Variants in ANKRD11 observed in about 807,000 individuals in gnomAD.
ANKRD11 encodes ankyrin repeat domain 11, also known as ankyrin repeat domain-containing protein 11.
In ANKRD11, 17 loss-of-function variants were observed where a neutral mutation model predicts 195.7. The ratio of observed to expected loss-of-function variants is 0.09; its 90% CI spans 0.06 to 0.13. The LOEUF (loss-of-function observed/expected upper bound fraction) is 0.13, where lower values mean the gene tolerates loss of function less well. Ranked by LOEUF, ANKRD11 falls within the 10% of genes least tolerant of loss-of-function variation. The probability of loss-of-function intolerance (pLI) is 1.00; values close to 1 mark genes in which losing one functional copy is unlikely to be tolerated. For missense variants in ANKRD11, 3,735 were observed against 3,566.1 expected (o/e 1.05, Z -1.21); for synonymous variants, 1,953 against 1,528.1 (o/e 1.28, Z -6.49).
chr16:89,349,861 AACACACAC>A (rs34592614), intron 2 of ANKRD11, among the ~76,000 whole-genome samples: 5,186 of 133,162 alleles, frequency 0.039, 123 homozygotes, highest in East Asian at 0.11. Context: ...TACTTGTTAA[AACACACAC>A]ACACACACAC....
At position 89,309,677 on chromosome 16, in the gene ANKRD11, G is replaced by A. The variant is rs180918843; in HGVS notation, c.88-4333C>T. On this transcript the variant is annotated intron_variant, in intron 3 of 12. Coordinates refer to ENST00000301030, the MANE Select transcript of ANKRD11 (RefSeq NM_013275.6). ...TCCCATCCACCTGGGCTCAGAGCCTGCTGGGCAGCTGGGGTGGGACAGGCC... is the reference window on the plus strand; with the variant it reads ...TCCCATCCACCTGGGCTCAGAGCCTACTGGGCAGCTGGGGTGGGACAGGCC... Among the ~76,000 whole-genome samples, 10 of 152,350 alleles carry A rather than the reference G, an allele frequency of 6.6e-5. No homozygotes were observed. In the East Asian group the frequency reaches 1.9e-3, roughly 29 times the overall value.
chr16:89,297,271 C>CTTT (rs1268789030), intron 4 of ANKRD11, among the ~76,000 whole-genome samples: 2 of 152,218 alleles, frequency 1.3e-5, no homozygotes, highest in Non-Finnish European at 2.9e-5. Context: ...TGCGTCCCAC[C>CTTT]GTAAAACTCG....
At chr16:89,446,011 A>T (rs1265487919) in intron 1 of ANKRD11, among the ~76,000 whole-genome samples, 1 of 151,862 alleles carries the variant, frequency 6.6e-6, no homozygotes, top group African/African-American at 2.4e-5. Flanking sequence ...TAAAAAAAAA[A>T]AAAAAAAAAC....
Position 89,283,902 on chromosome 16 carries a change from C to T in ANKRD11, c.2640G>A (p.Thr880=), listed in dbSNP as rs374927096. 1.3e-5 allele frequency: 21 copies of T among 1,614,038 alleles called. No individual in the cohort carries two copies. Among genetic ancestry groups the T allele is most frequent in the African/African-American group, 2.7e-5 (2 of 74,926 alleles). ...TCCTCTCCTTGCTGTCCTCCTTCAC[C>T]GTCTCCAAGATGAGCTTGGCCACAG... is the stretch of plus-strand genomic sequence containing the variant. The part of the protein sequence containing the change: ...SDSVAKLILE[T]VKEDSKERRR... Residue 880 remains threonine, a synonymous_variant, in exon 9 of 13, where the codon ACG becomes ACA. Coordinates refer to ENST00000301030, the MANE Select transcript of ANKRD11 (RefSeq NM_013275.6). This position sits in a 1 kb window ranked among gnomAD's most constrained non-coding sequence, Gnocchi z 4.3.
rs146337633 is a variant in ANKRD11 at position 89,350,904 on chromosome 16, C to A, written c.-59-33826G>T. Among the ~76,000 whole-genome samples the A allele has an allele frequency of 5.1e-3, 772 of 152,264 alleles. 4 individuals are homozygous for A. Among genetic ancestry groups the A allele is most frequent in the African/African-American group, 0.018 (745 of 41,536 alleles). Reference sequence around the variant, plus strand: ...AACACCTACCACTGTGTTACGATTTCTTTCCACGATTCAGCAGGGTGACTC... The same window carrying A: ...AACACCTACCACTGTGTTACGATTTATTTCCACGATTCAGCAGGGTGACTC... On this transcript the variant is annotated intron_variant, in intron 2 of 12. Transcript: ENST00000301030.
At chr16:89,287,068 C>A (rs1381664744) in intron 7 of ANKRD11, 9 of 1,289,670 alleles carry the variant, frequency 7.0e-6, no homozygotes, top group Non-Finnish European at 9.1e-6. Context: ...GGTCAGAGGT[C>A]AAGGTGCTGG....
intron 2 of ANKRD11, chr16:89,396,191 C>T (rs1259796852): frequency 6.6e-6 from 1 of 152,226 alleles, no homozygotes; most frequent in Non-Finnish European, 1.5e-5. Flanking sequence ...TTCTGAAGAA[C>T]TAAAAGTCTC....
rs2041185040 is a variant in ANKRD11, at chr16:89,391,265, G to C, written c.-60+27019C>G. ...AAAAAAAAATGATTGAACCCAAGGA[G>C]GGGTCACGGAACCCCAGATTCAGGG... On this transcript the variant is annotated intron_variant, in intron 2 of 12. Transcript: ENST00000301030. Among the ~76,000 whole-genome samples the C allele has an allele frequency of 3.3e-5, 5 of 152,078 alleles. No homozygotes were observed. In the South Asian group the frequency reaches 1.0e-3, roughly 32 times the overall value.
intron 2 of ANKRD11, among the ~76,000 whole-genome samples, chr16:89,355,539 G>C (rs1486330887): frequency 6.6e-6 from 1 of 152,130 alleles, no homozygotes; most frequent in Non-Finnish European, 1.5e-5. Flanking sequence ...GCTCTGCTCT[G>C]AACGCTCTCT....
Position 89,396,538 on chromosome 16 carries a change from A to AT in ANKRD11, c.-60+21745dup, listed in dbSNP as rs540555214. Among the ~76,000 whole-genome samples, 1,057 of 150,326 alleles carry AT rather than the reference A, an allele frequency of 7.0e-3. 6 individuals are homozygous for AT. The highest frequency in any genetic ancestry group is 0.021 in the African/African-American group (851 of 40,974). ...AAATATGCTTCCATTTTCCCACTAGATTTTTTTTTTGTATACTTCAACTAG... is the reference window on the plus strand; with the variant it reads ...AAATATGCTTCCATTTTCCCACTAGATTTTTTTTTTTGTATACTTCAACTAG... On this transcript the variant is annotated intron_variant, in intron 2 of 12. Coordinates refer to ENST00000301030, the MANE Select transcript of ANKRD11 (RefSeq NM_013275.6).
At chr16:89,353,407 G>A (rs1041474577) in intron 2 of ANKRD11, among the ~76,000 whole-genome samples, 1 of 152,060 alleles carries the variant, frequency 6.6e-6, no homozygotes, top group Non-Finnish European at 1.5e-5. Flanking sequence ...TTCTCCAGAG[G>A]ATCTCAAAAG....
At chr16:89,289,065 G>A in intron 6 of ANKRD11, 1 of 315,886 alleles carries the variant, frequency 3.2e-6, no homozygotes, top group South Asian at 2.8e-5. Flanking sequence ...GGAAACCAAG[G>A]CTGAGAGCCT....
In ANKRD11 at chr16:89,285,399, G is replaced by A; in HGVS notation, c.1143C>T (p.Ile381=). 6.2e-7 allele frequency: 1 copy of A among 1,614,156 alleles called. No individual in the cohort carries two copies. The highest frequency in any genetic ancestry group is 8.5e-7 in the Non-Finnish European group (1 of 1,180,032). Reference sequence around the variant, plus strand: ...TTTTAACCTCCATTTTGGGTATAGAGATAAAACTATTGGATTTCGTTTCTT... The same window carrying A: ...TTTTAACCTCCATTTTGGGTATAGAAATAAAACTATTGGATTTCGTTTCTT... The part of the protein sequence containing the change: ...YRKETKSNSF[I]SIPKMEVKSY... The change falls in exon 9 of 13, where the codon ATC becomes ATT. Residue 381 remains isoleucine, a synonymous_variant. Coordinates refer to ENST00000301030, the MANE Select transcript of ANKRD11 (RefSeq NM_013275.6). The surrounding 1 kb of genome is among the most constrained non-coding windows in gnomAD (Gnocchi z 5.6).
chr16:89,292,460 C>T (rs991282085), intron 4 of ANKRD11, among the ~76,000 whole-genome samples: 11 of 152,200 alleles, frequency 7.2e-5, no homozygotes, highest in African/African-American at 2.2e-4. Flanking sequence ...CCTAAGAGGA[C>T]GCTGCCCACC....
intron 2 of ANKRD11, chr16:89,340,052 T>C (rs937230541): frequency 1.3e-5 from 2 of 152,234 alleles, no homozygotes; most frequent in Non-Finnish European, 2.9e-5. Context: ...TCCATTCTCC[T>C]GTTGACTAAC....
chr16:89,443,126 G>A (rs541688497), intron 1 of ANKRD11, among the ~76,000 whole-genome samples: 14 of 151,908 alleles, frequency 9.2e-5, no homozygotes, highest in South Asian at 2.1e-4. Context: ...CGTGTAGCTC[G>A]GATTACAGGC....
At chr16:89,354,269 C>A (rs558408498) in intron 2 of ANKRD11, among the ~76,000 whole-genome samples, 1 of 147,236 alleles carries the variant, frequency 6.8e-6, no homozygotes, top group African/African-American at 2.5e-5. Context: ...AAGAAAACTT[C>A]ATGTTGAAAC....
At chr16:89,428,191 GAGCA>G (rs1196543607) in intron 1 of ANKRD11, among the ~76,000 whole-genome samples, 1 of 151,376 alleles carries the variant, frequency 6.6e-6, no homozygotes, top group African/African-American at 2.4e-5. Context: ...CTAGGCAGCA[GAGCA>G]AGACTCCATC....
rs577449946 is a variant in ANKRD11 at position 89,324,122 on chromosome 16, G to A, written c.-59-7044C>T. The stretch of plus-strand genomic sequence containing the variant: ...GCCTCGGCCTCCCAAAGTGCCCCAC[G>A]GCACAACGCTCTCTACTGCAGCCCT... On this transcript the variant is annotated intron_variant, in intron 2 of 12. Coordinates refer to ENST00000301030, the MANE Select transcript of ANKRD11 (RefSeq NM_013275.6). 7.6e-4 allele frequency: 547 copies of A among 722,594 alleles called. No homozygotes were observed. In the African/African-American group the frequency reaches 8.5e-3, roughly 11 times the overall value. 44.8% of individuals were successfully genotyped at this position (722,594 alleles called of 1,614,324 possible).
Sources: gnomAD v4.1 joint callset for allele counts (sites outside exome capture counted in the v4.1 genomes callset) on GRCh38, gnomAD v4.1.1 for gene constraint, Gnocchi (gnomAD v3.1) non-coding constraint, MANE v1.5 for transcripts, NCBI Gene and HGNC (gene_info 2026-07-23, HGNC 2026-07-21) for gene names.